The following TCFL5 variants were observed in gnomAD, a reference collection of about 807,000 sequenced individuals.
TCFL5 encodes transcription factor like 5, also known as transcription factor-like 5 protein.
A neutral mutation model predicts 44.3 loss-of-function variants in TCFL5; 9 were observed. The observed-to-expected ratio is 0.20, with a 90% CI of 0.12 to 0.35. The LOEUF is 0.35. TCFL5 is among the 10% of genes least tolerant of loss of function. The probability of loss-of-function intolerance (pLI) is 1.00; values close to 1 mark genes in which losing one functional copy is unlikely to be tolerated. For missense variants in TCFL5, 603 were observed against 613.4 expected (o/e 0.98, Z 0.18); for synonymous variants, 319 against 271.6 (o/e 1.17, Z -1.72).
chr20:62,850,585 C>G (rs1314920860), intron 5 of TCFL5, among the ~76,000 whole-genome samples: 3 of 152,180 alleles, frequency 2.0e-5, no homozygotes, highest in Non-Finnish European at 4.4e-5. Context: ...CCAGCTACTG[C>G]AGACTCCTGG....
intron 5 of TCFL5, chr20:62,845,786 TG>T (rs866120888): frequency 6.2e-6 from 10 of 1,605,268 alleles, no homozygotes; most frequent in Non-Finnish European, 8.5e-6. Context: ...AGCTGGAGAA[TG>T]GGGAAGGTGT....
intron 5 of TCFL5, among the ~76,000 whole-genome samples, chr20:62,848,433 T>C (rs1192759818): frequency 6.6e-6 from 1 of 152,236 alleles, no homozygotes; most frequent in Non-Finnish European, 1.5e-5. Context: ...TTTTCATCGT[T>C]GTGGATATTA....
intron 4 of TCFL5, among the ~76,000 whole-genome samples, chr20:62,855,487 C>T (rs2063873944): frequency 6.6e-6 from 1 of 152,200 alleles, no homozygotes; most frequent in Admixed American, 6.5e-5. Context: ...AATTGCCATG[C>T]CAGGCGCAGT....
chr20:62,856,486 C>T (rs1181620406), intron 4 of TCFL5, among the ~76,000 whole-genome samples: 5 of 151,672 alleles, frequency 3.3e-5, no homozygotes, highest in Non-Finnish European at 5.9e-5. Context: ...GGGCAGATCA[C>T]GAGGTCAGGA....
chr20:62,844,027 CTG>C (rs1163287224), intron 5 of TCFL5, among the ~76,000 whole-genome samples: 16 of 152,228 alleles, frequency 1.1e-4, no homozygotes, highest in Admixed American at 1.0e-3. Context: ...CTTTTGGCCA[CTG>C]TGAAAGGTGC....
At chr20:62,852,101 G>A (rs1462037962) in intron 5 of TCFL5, 1 of 985,346 alleles carries the variant, frequency 1.0e-6, no homozygotes, top group East Asian at 1.1e-4. Context: ...CACTGCGCCA[G>A]GCCTGGGAGC....
Position 62,861,246 on chromosome 20 carries a change from T to G in TCFL5, c.425A>C (p.Lys142Thr), listed in dbSNP as rs1158677328. 1 of 1,187,926 alleles carries G rather than the reference T, an allele frequency of 8.4e-7. No homozygotes were observed. Among genetic ancestry groups the G allele is most frequent in the Non-Finnish European group, 1.1e-6 (1 of 941,940 alleles). 73.6% of individuals were successfully genotyped at this position (1,187,926 alleles called of 1,614,324 possible). The change falls in exon 1 of 6, where the codon AAG becomes ACG. Residue 142 changes from lysine (K) to threonine (T), a missense_variant. Around this residue, in one of 4 missense-constraint regions of TCFL5, gnomAD observed 540 missense variants for 478.7 expected, o/e 1.13. Transcript: ENST00000335351. The surrounding 1 kb of genome is among the most constrained non-coding windows in gnomAD (Gnocchi z 4.0). ...MLLSEAGAAE[K>T]TSGGGDGARA... ...CGCTCCGTCCCCGCCGCCCGACGTC[T>G]TCTCCGCCGCGCCCGCCTCGCTTAG...
chr20:62,859,507 G>A lies in TCFL5; in HGVS notation c.851C>T (p.Ser284Phe). The A allele has an allele frequency of 6.2e-7, 1 of 1,610,240 alleles. No individual in the cohort carries two copies. Among genetic ancestry groups the A allele is most frequent in the Non-Finnish European group, 8.5e-7 (1 of 1,179,200 alleles). Residue 284 changes from serine to phenylalanine, a missense_variant, in exon 3 of 6, where the codon TCT becomes TTT. Around this residue, in one of 4 missense-constraint regions of TCFL5, gnomAD observed 540 missense variants for 478.7 expected, o/e 1.13. Coordinates refer to ENST00000335351, the MANE Select transcript of TCFL5 (RefSeq NM_006602.4). Reference sequence around the variant, plus strand: ...CTGGTGCTTGGCAGCTTCAAGTACAGAACATGAGTTACTAGAACTCTGGAA... The same window carrying A: ...CTGGTGCTTGGCAGCTTCAAGTACAAAACATGAGTTACTAGAACTCTGGAA... ...SQTQSSSNSC[S>F]VLEAAKHQDI... is the part of the protein sequence containing the mutation.
chr20:62,845,286 T>C (rs2063726550), intron 5 of TCFL5: 4 of 806,100 alleles, frequency 5.0e-6, no homozygotes, highest in Non-Finnish European at 4.6e-6. Flanking sequence ...CACGCCCGGC[T>C]AATTTTTGTA....
rs557936402 is a variant in TCFL5 at position 62,857,363 on chromosome 20, G to A, written c.1238+32C>T. 1.9e-5 allele frequency: 30 copies of A among 1,610,726 alleles called. 2 individuals carry two copies. The South Asian group carries it at 2.6e-4, about 14-fold the overall frequency. On this transcript the variant is annotated intron_variant, in intron 4 of 5. Transcript: ENST00000335351. ...ATGTATGACTAAGGTAATCATATATGAGTCAGCCTGACAAGCAGTCACACG... is the reference window on the plus strand; with the variant it reads ...ATGTATGACTAAGGTAATCATATATAAGTCAGCCTGACAAGCAGTCACACG...
intron 5 of TCFL5, among the ~76,000 whole-genome samples, chr20:62,846,696 G>C (rs2063747451): frequency 6.6e-6 from 1 of 150,876 alleles, no homozygotes; most frequent in Non-Finnish European, 1.5e-5. Flanking sequence ...AGCCCAAGAG[G>C]ACGAGGCTGC....
Position 62,844,875 on chromosome 20 carries a change from C to T in TCFL5, c.1381-2778G>A, listed in dbSNP as rs2063722152. The stretch of plus-strand genomic sequence containing the variant: ...CCTCCCAGAGTGCTGGGATTACAGG[C>T]GGGAGCCACGGTTCCCAGTCTGTGT... On this transcript the variant is annotated intron_variant, in intron 5 of 5. Coordinates refer to ENST00000335351, the MANE Select transcript of TCFL5 (RefSeq NM_006602.4). The T allele has an allele frequency of 7.1e-6, 7 of 985,050 alleles. No homozygotes were observed. The South Asian group carries it at 1.4e-4, about 20-fold the overall frequency. The allele number at this position is 985,050 out of a possible 1,614,324, so 61.0% of individuals were successfully genotyped here.
intron 5 of TCFL5, chr20:62,851,487 G>C: frequency 1.0e-6 from 1 of 977,832 alleles, no homozygotes; most frequent in Non-Finnish European, 1.2e-6. Flanking sequence ...AAACATTAAA[G>C]CATTTTTTAA....
In TCFL5 at chr20:62,841,068, C is replaced by G. The variant is rs2063674955; in HGVS notation, c.*907G>C. 3.8e-6 allele frequency: 1 copy of G among 266,164 alleles called. No individual in the cohort carries two copies. The highest frequency in any genetic ancestry group is 2.3e-5 in the African/African-American group (1 of 44,300). The allele number at this position is 266,164 out of a possible 1,614,324, so 16.5% of individuals were successfully genotyped here. On this transcript the variant is annotated 3_prime_UTR_variant, in exon 6 of 6. Coordinates refer to ENST00000335351, the MANE Select transcript of TCFL5 (RefSeq NM_006602.4). Reference sequence around the variant, plus strand: ...TTGTGTAAAGACTATGATCTCATCCCAATAAAATGATATATTAAACCTTCA... The same window carrying G: ...TTGTGTAAAGACTATGATCTCATCCGAATAAAATGATATATTAAACCTTCA...
At position 62,861,411 on chromosome 20, in the gene TCFL5, G is replaced by A. The variant is rs777008302; in HGVS notation, c.260C>T (p.Pro87Leu). ...LNSALLAAAG[P>L]GAGAGGFAAG... is the part of the protein sequence containing the mutation. ...CGCGAAGCCGCCCGCGCCTGCGCCC[G>A]GGCCCGCCGCCGCCAGCAGCGCCGA... is the stretch of plus-strand genomic sequence containing the variant. Residue 87 changes from proline to leucine, a missense_variant, in exon 1 of 6, where the codon CCG (proline) becomes CTG (leucine). Pro to Leu is a moderately conservative substitution (Grantham distance 98, BLOSUM62 -3). Transcript: ENST00000335351. This position sits in a 1 kb window ranked among gnomAD's most constrained non-coding sequence, Gnocchi z 4.0. 6.3e-6 allele frequency: 7 copies of A among 1,115,376 alleles called. No homozygotes were observed. Among genetic ancestry groups the A allele is most frequent in the Non-Finnish European group, 7.7e-6 (7 of 913,708 alleles). The allele number at this position is 1,115,376 out of a possible 1,614,324, so 69.1% of individuals were successfully genotyped here.
chr20:62,846,369 CT>C (rs1410883777), intron 5 of TCFL5, among the ~76,000 whole-genome samples: 2 of 152,200 alleles, frequency 1.3e-5, no homozygotes, highest in African/African-American at 4.8e-5. Flanking sequence ...CTCCTGGGAG[CT>C]GGGGCAGCTG....
At chr20:62,860,013 AG>A in intron 2 of TCFL5, 111 bp downstream of exon 2, 2 of 1,107,810 alleles carry the variant, frequency 1.8e-6, no homozygotes, top group Non-Finnish European at 2.6e-6. Flanking sequence ...CCGGCTTAAA[AG>A]GTTATTAAGC....
intron 5 of TCFL5, among the ~76,000 whole-genome samples, chr20:62,853,425 C>A (rs975427256): frequency 3.9e-5 from 6 of 152,094 alleles, no homozygotes; most frequent in Non-Finnish European, 7.3e-5. Flanking sequence ...CAGCTCACTG[C>A]AGCCTCGACC....
intron 4 of TCFL5, among the ~76,000 whole-genome samples, chr20:62,855,307 G>A (rs1000081918): frequency 6.6e-6 from 1 of 152,116 alleles, no homozygotes; most frequent in African/African-American, 2.4e-5. Context: ...GGCGACAGGT[G>A]TGCAACACCA....
Sources: gnomAD v4.1 joint callset for allele counts (sites outside exome capture counted in the v4.1 genomes callset) on GRCh38, gnomAD v4.1.1 for gene constraint, gnomAD v4.1.1 regional missense constraint, Gnocchi (gnomAD v3.1) non-coding constraint, MANE v1.5 for transcripts, NCBI Gene and HGNC (gene_info 2026-07-23, HGNC 2026-07-21) for gene names.